The following ZNF469 variants were observed in gnomAD, a reference collection of about 807,000 sequenced individuals.
ZNF469 encodes the protein zinc finger protein 469.
ZNF469 carries 1 observed loss-of-function variant against 1.0 expected under a neutral mutation model. That is an observed-to-expected ratio of 1.00 (90% CI 0.35 to 4.73). ZNF469 has a LOEUF of 4.73. Ranked by LOEUF, ZNF469 falls within the 30% of genes most tolerant of loss-of-function variation. The pLI is 0.16. For synonymous variants in ZNF469, 2,703 were observed against 2,363.4 expected (o/e 1.14, Z -4.17); for missense variants, 6,100 against 5,356.3 (o/e 1.14, Z -4.33).
At chr16:88,379,779 G>A (rs542381775), upstream of ZNF469, among the ~76,000 whole-genome samples, 12 of 152,196 alleles carry the variant, frequency 7.9e-5, no homozygotes, top group South Asian at 1.0e-3. Flanking sequence ...AGGGGTGGAC[G>A]GTGGCTCTGG....
chr16:88,153,999 A>AG, the ZNF469 span, among the ~76,000 whole-genome samples: 36,574 of 152,126 alleles, frequency 0.24, 5,243 homozygotes, highest in East Asian at 0.52. Context: ...GGCCTAATTA[A>AG]GCCTCAAGGT....
chr16:88,274,266 A>T, the ZNF469 span, among the ~76,000 whole-genome samples: 1 of 152,218 alleles, frequency 6.6e-6, no homozygotes, highest in Admixed American at 6.5e-5. Flanking sequence ...AGGGCTGGGA[A>T]GTTAGTCTTT....
chr16:88,196,829 AT>A, the ZNF469 span, among the ~76,000 whole-genome samples: 1 of 152,202 alleles, frequency 6.6e-6, no homozygotes. Flanking sequence ...GTTTTGTCCG[AT>A]GCCAAAGCTC....
the ZNF469 span, among the ~76,000 whole-genome samples, chr16:88,289,703 C>T: frequency 2.0e-5 from 3 of 152,106 alleles, no homozygotes; most frequent in African/African-American, 4.8e-5. Context: ...AGAGAGGGTG[C>T]GTAGGAGTGA....
At chr16:88,187,424 C>G in the ZNF469 span, among the ~76,000 whole-genome samples, 182 of 152,344 alleles carry the variant, frequency 1.2e-3, no homozygotes, top group African/African-American at 4.2e-3. Flanking sequence ...AGGAAAACCT[C>G]CGGAATGGCT....
the ZNF469 span, among the ~76,000 whole-genome samples, chr16:88,325,036 G>A: frequency 6.6e-6 from 1 of 152,104 alleles, no homozygotes; most frequent in East Asian, 1.9e-4. Context: ...AAAGAGAGAG[G>A]GAGGAGGTGC....
the ZNF469 span, among the ~76,000 whole-genome samples, chr16:88,226,192 C>T: frequency 6.2e-3 from 939 of 152,198 alleles, 9 homozygotes; most frequent in African/African-American, 0.022. Flanking sequence ...TCTTTTTGGA[C>T]AGTTGTTTTG....
rs1260239143 is a variant in ZNF469 at position 88,430,868 on chromosome 16, A to T, written c.3398A>T (p.Asp1133Val). The change falls in exon 3 of 3, where the codon GAT (aspartate) becomes GTT (valine). Residue 1133 changes from aspartate (D) to valine (V), a missense_variant. Asp to Val is a radical substitution (Grantham distance 152). Coordinates refer to ENST00000565624, the MANE Select transcript of ZNF469 (RefSeq NM_001367624.2). ...EVELTQGPRE[D>V]EPQKPRKAAR... ...GAGCTGACCCAGGGTCCCAGAGAGG[A>T]TGAGCCACAGAAACCCCGGAAGGCG... is the stretch of plus-strand genomic sequence containing the variant. 1 of 1,537,016 alleles carries T rather than the reference A, an allele frequency of 6.5e-7. No homozygotes were observed. The highest frequency in any genetic ancestry group is 8.7e-7 in the Non-Finnish European group (1 of 1,146,076).
chr16:88,132,560 C>T, the ZNF469 span, among the ~76,000 whole-genome samples: 393 of 152,350 alleles, frequency 2.6e-3, 3 homozygotes, highest in African/African-American at 9.1e-3. Flanking sequence ...CTTGGAGACA[C>T]ACGCTGGCCC....
In ZNF469 at chr16:88,435,722, C is replaced by T. The variant is rs376638940; in HGVS notation, c.8252C>T (p.Ser2751Leu). The change falls in exon 3 of 3, where the codon TCG becomes TTG. Residue 2751 changes from serine to leucine, a missense_variant. Ser to Leu is a moderately radical substitution (Grantham distance 145, BLOSUM62 -2). Transcript: ENST00000565624. ...CAGCCAACTGGGCAGAAGGGAGCCT[C>T]GGCAAGGGGGTTCTGGGGACCAAGA... Reference protein sequence around the residue: ...GEQPTGQKGASARGFWGPRET... With the variant: ...GEQPTGQKGALARGFWGPRET... 1.2e-4 allele frequency: 180 copies of T among 1,550,766 alleles called. 1 individual carries two copies. The highest frequency in any genetic ancestry group is 3.3e-4 in the Middle Eastern group (2 of 5,992).
the ZNF469 span, among the ~76,000 whole-genome samples, chr16:88,221,071 C>G: frequency 6.6e-6 from 1 of 152,304 alleles, no homozygotes; most frequent in Non-Finnish European, 1.5e-5. Flanking sequence ...CAGTTCAAGC[C>G]AGGCCCTTCT....
In ZNF469 at chr16:88,427,480, G is replaced by A; in HGVS notation, c.10G>A (p.Glu4Lys). 1 of 1,516,078 alleles carries A rather than the reference G, an allele frequency of 6.6e-7. No homozygotes were observed. The highest frequency in any genetic ancestry group is 8.8e-7 in the Non-Finnish European group (1 of 1,134,894). 93.9% of individuals were successfully genotyped at this position (1,516,078 alleles called of 1,614,324 possible). Residue 4 changes from glutamate to lysine, a missense_variant, in exon 3 of 3, where the codon GAG becomes AAG. By Grantham distance (56) the Glu-to-Lys change is moderately conservative (BLOSUM62 1). Coordinates refer to ENST00000565624, the MANE Select transcript of ZNF469 (RefSeq NM_001367624.2). MPGERPRGAPPPTM... is the reference protein window; with the variant it reads MPGKRPRGAPPPTM... ...CCAGGACGGAGGGGCCATGCCTGGGGAGCGCCCCCGAGGAGCGCCGCCCCC... is the reference window on the plus strand; with the variant it reads ...CCAGGACGGAGGGGCCATGCCTGGGAAGCGCCCCCGAGGAGCGCCGCCCCC...
rs1170494890 is a variant in ZNF469, at chr16:88,436,393, C to T, written c.8923C>T (p.Pro2975Ser). 4 of 1,549,922 alleles carry T rather than the reference C, an allele frequency of 2.6e-6. No individual in the cohort carries two copies. The African/African-American group carries it at 4.1e-5, about 16-fold the overall frequency. Reference sequence around the variant, plus strand: ...CAGGGAAGCTGGTGCAGAGAAGCTGCCCTCCCACTGCCCCGAGGACGATCG... The same window carrying T: ...CAGGGAAGCTGGTGCAGAGAAGCTGTCCTCCCACTGCCCCGAGGACGATCG... ...PSREAGAEKLPSHCPEDDRPE... is the reference protein window; with the variant it reads ...PSREAGAEKLSSHCPEDDRPE... Residue 2975 changes from proline to serine, a missense_variant, in exon 3 of 3, where the codon CCC (proline) becomes TCC (serine). Physicochemically the swap from Pro to Ser is moderately conservative, Grantham distance 74. Transcript: ENST00000565624.
At chr16:88,229,571 T>G in the ZNF469 span, among the ~76,000 whole-genome samples, 108,696 of 136,178 alleles carry the variant, frequency 0.8, 41,806 homozygotes, top group Non-Finnish European at 0.87. Flanking sequence ...GATGTCACGC[T>G]TGTGCGCTGA....
At position 88,431,542 on chromosome 16, in the gene ZNF469, G is replaced by A; in HGVS notation, c.4072G>A (p.Gly1358Ser). The change falls in exon 3 of 3, where the codon GGT becomes AGT. Residue 1358 changes from glycine to serine, a missense_variant. Transcript: ENST00000565624. ...KISSFGCDPA[G>S]FNRDPLGVPV... ...CTCCAGTTTTGGCTGTGACCCTGCT[G>A]GTTTTAACAGAGACCCCTTGGGGGT... 1 of 1,550,434 alleles carries A rather than the reference G, an allele frequency of 6.4e-7. No homozygotes were observed. Among genetic ancestry groups the A allele is most frequent in the Non-Finnish European group, 8.7e-7 (1 of 1,146,994 alleles).
the ZNF469 span, among the ~76,000 whole-genome samples, chr16:88,349,851 A>ACTTCACACACT: frequency 8.9e-4 from 132 of 148,300 alleles, no homozygotes; most frequent in Middle Eastern, 3.6e-3. Context: ...CACCACACAC[A>ACTTCACACACT]AGTGCACACA....
chr16:88,118,519 G>A, the ZNF469 span, among the ~76,000 whole-genome samples: 1 of 152,150 alleles, frequency 6.6e-6, no homozygotes, highest in Non-Finnish European at 1.5e-5. Context: ...TGCTTTCTGT[G>A]TCAGCTCACC....
chr16:88,172,441 C>T, the ZNF469 span, among the ~76,000 whole-genome samples: 4 of 152,144 alleles, frequency 2.6e-5, no homozygotes, highest in Non-Finnish European at 5.9e-5. Context: ...CTGTTTTGGA[C>T]CCACCCTGAC....
the ZNF469 span, among the ~76,000 whole-genome samples, chr16:88,192,956 GGAT>G: frequency 3.4e-5 from 3 of 87,112 alleles, no homozygotes; most frequent in African/African-American, 9.4e-5. Flanking sequence ...ATGATGATGA[GGAT>G]GATGGTGATG....
Sources: gnomAD v4.1 joint callset for allele counts (sites outside exome capture counted in the v4.1 genomes callset) on GRCh38, gnomAD v4.1.1 for gene constraint, MANE v1.5 for transcripts, NCBI Gene and HGNC (gene_info 2026-07-23, HGNC 2026-07-21) for gene names.